Variants in GXYLT2 observed in about 807,000 individuals in gnomAD.
GXYLT2 encodes the protein glucoside xylosyltransferase 2, also known as glycosyltransferase 8 domain containing 4.
GXYLT2 carries 53 observed loss-of-function variants against 45.8 expected under a neutral mutation model. The observed-to-expected ratio is 1.16, with a 90% CI of 0.93 to 1.46. GXYLT2 has a LOEUF of 1.46. GXYLT2 is among the 40% of genes most tolerant of loss of function. The pLI is 0.00. For missense variants in GXYLT2, 551 were observed against 544.4 expected (o/e 1.01, Z -0.12); for synonymous variants, 219 against 214.2 (o/e 1.02, Z -0.19).
At chr3:72,889,458 A>G (rs1281351952) in intron 1 of GXYLT2, among the ~76,000 whole-genome samples, 1 of 152,176 alleles carries the variant, frequency 6.6e-6, no homozygotes, top group Non-Finnish European at 1.5e-5. Flanking sequence ...TACTGTAACT[A>G]AAAGACACGA....
chr3:72,922,283 A>C lies in GXYLT2; in HGVS notation c.548A>C (p.Gln183Pro), dbSNP rs201480150. 2.5e-6 allele frequency: 4 copies of C among 1,613,868 alleles called. No individual in the cohort carries two copies. In the East Asian group the frequency reaches 8.9e-5, roughly 36 times the overall value. ...ATCACATTTTCTGTTGGAAACCCTC[A>C]GGAGTGGAAGAAATTGTTCAAACCC... ...YPITFSVGNP[Q>P]EWKKLFKPCA... The change falls in exon 3 of 7, where the codon CAG becomes CCG. Residue 183 changes from glutamine (Q) to proline (P), a missense_variant. Coordinates refer to ENST00000389617, the MANE Select transcript of GXYLT2 (RefSeq NM_001080393.2).
intron 3 of GXYLT2, among the ~76,000 whole-genome samples, chr3:72,944,430 T>G (rs1375129028): frequency 6.6e-6 from 1 of 151,916 alleles, no homozygotes; most frequent in Non-Finnish European, 1.5e-5. Flanking sequence ...AATTTTTGTA[T>G]TTTTAGTGGA....
intron 1 of GXYLT2, among the ~76,000 whole-genome samples, chr3:72,890,578 C>G (rs1472290972): frequency 6.6e-6 from 1 of 152,204 alleles, no homozygotes; most frequent in Non-Finnish European, 1.5e-5. Flanking sequence ...GATGTCAGGC[C>G]ATAGACTTGC....
intron 3 of GXYLT2, among the ~76,000 whole-genome samples, chr3:72,944,031 CTG>C (rs962034601): frequency 2.0e-5 from 3 of 152,074 alleles, no homozygotes; most frequent in African/African-American, 7.2e-5. Context: ...TACATCAAGA[CTG>C]TGACTTTCTG....
At position 72,948,297 on chromosome 3, in the gene GXYLT2, C is replaced by G. The variant is rs573807847; in HGVS notation, c.601-6801C>G. Among the ~76,000 whole-genome samples, 62 of 152,260 alleles carry G rather than the reference C, an allele frequency of 4.1e-4. 1 individual carries two copies. In the South Asian group the frequency reaches 5.4e-3, roughly 13 times the overall value. ...AGCATTTATAGACTACTCCTCCCAG[C>G]AACTGCAGCATAAACTTTTTTTTAT... On this transcript the variant is annotated intron_variant, in intron 3 of 6. Coordinates refer to ENST00000389617, the MANE Select transcript of GXYLT2 (RefSeq NM_001080393.2).
chr3:72,911,277 A>G (rs918046768), intron 2 of GXYLT2, among the ~76,000 whole-genome samples: 1 of 152,002 alleles, frequency 6.6e-6, no homozygotes, highest in African/African-American at 2.4e-5. Flanking sequence ...GCGACAGAGA[A>G]AGACTCTGTC....
chr3:72,912,013 A>ATATATTTTT (rs1156864738), intron 2 of GXYLT2, among the ~76,000 whole-genome samples: 3 of 114,924 alleles, frequency 2.6e-5, no homozygotes, highest in African/African-American at 1.2e-4. Flanking sequence ...ATATATATAT[A>ATATATTTTT]TTTTTTTTTT....
chr3:72,919,687 G>A (rs1384568628), intron 2 of GXYLT2, among the ~76,000 whole-genome samples: 4 of 152,160 alleles, frequency 2.6e-5, no homozygotes, highest in Non-Finnish European at 5.9e-5. Context: ...CGTGGGAGGC[G>A]GCGGTTGCAG....
intron 1 of GXYLT2, among the ~76,000 whole-genome samples, chr3:72,898,922 G>A (rs140699565): frequency 0.021 from 3,149 of 152,070 alleles, 117 homozygotes; most frequent in African/African-American, 0.071. Flanking sequence ...GTAGAGACAG[G>A]GTTTCACCAT....
chr3:72,923,194 G>A (rs1709859990), intron 3 of GXYLT2, among the ~76,000 whole-genome samples: 2 of 152,090 alleles, frequency 1.3e-5, no homozygotes, highest in African/African-American at 4.8e-5. Context: ...GGCAGAGCTT[G>A]CAGTGAGCCA....
intron 1 of GXYLT2, among the ~76,000 whole-genome samples, chr3:72,893,552 A>T (rs566946783): frequency 6.6e-6 from 1 of 152,256 alleles, no homozygotes; most frequent in Admixed American, 6.5e-5. Flanking sequence ...ATGTACACTT[A>T]ACAGTGATCT....
rs1709847118 is a variant in GXYLT2, at chr3:72,922,344, A to G, written c.600+9A>G. Reference sequence around the variant, plus strand: ...AGAGACTCTTTCTTCCGGTAGGAACACCTGTTTTTAATAAGTTGTAGCTTG... The same window carrying G: ...AGAGACTCTTTCTTCCGGTAGGAACGCCTGTTTTTAATAAGTTGTAGCTTG... On this transcript the variant is annotated intron_variant, in intron 3 of 6. Transcript: ENST00000389617. The G allele has an allele frequency of 1.9e-6, 3 of 1,609,176 alleles. No homozygotes were observed. The highest frequency in any genetic ancestry group is 2.5e-6 in the Non-Finnish European group (3 of 1,178,602).
chr3:72,918,100 CA>C (rs1426663684), intron 2 of GXYLT2, among the ~76,000 whole-genome samples: 2 of 152,132 alleles, frequency 1.3e-5, no homozygotes, highest in South Asian at 2.1e-4. Context: ...TAGAAGCAGC[CA>C]CAAACAATAT....
At chr3:72,912,752 G>A (rs1048214963) in intron 2 of GXYLT2, among the ~76,000 whole-genome samples, 3 of 152,132 alleles carry the variant, frequency 2.0e-5, no homozygotes, top group Non-Finnish European at 4.4e-5. Flanking sequence ...AGCCTTCAAG[G>A]CTTCCAGCTG....
chr3:72,956,843 T>C (rs755159928), intron 4 of GXYLT2, among the ~76,000 whole-genome samples: 5 of 150,576 alleles, frequency 3.3e-5, no homozygotes, highest in Admixed American at 6.7e-5. Context: ...TAAGCCAAGA[T>C]TGTGCCACTG....
At chr3:72,940,463 C>T (rs751310574) in intron 3 of GXYLT2, among the ~76,000 whole-genome samples, 1 of 152,006 alleles carries the variant, frequency 6.6e-6, no homozygotes, top group Admixed American at 6.6e-5. Context: ...CATATGAAGA[C>T]CCCATGGAAC....
intron 1 of GXYLT2, among the ~76,000 whole-genome samples, chr3:72,904,056 G>A (rs986334422): frequency 2.6e-5 from 4 of 152,178 alleles, no homozygotes; most frequent in Non-Finnish European, 5.9e-5. Context: ...CAGGATCGTT[G>A]CCATCAGCCC....
chr3:72,932,114 A>G (rs1035622848), intron 3 of GXYLT2, among the ~76,000 whole-genome samples: 7 of 150,188 alleles, frequency 4.7e-5, no homozygotes, highest in African/African-American at 1.7e-4. Context: ...GTGCAATGGC[A>G]CGATCTTGGC....
intron 3 of GXYLT2, chr3:72,928,987 G>A: frequency 9.3e-7 from 1 of 1,075,788 alleles, no homozygotes; most frequent in Non-Finnish European, 1.4e-6. Flanking sequence ...CCGCCCCAAG[G>A]CCCGCCGCCG....
Sources: gnomAD v4.1 joint callset for allele counts (sites outside exome capture counted in the v4.1 genomes callset) on GRCh38, gnomAD v4.1.1 for gene constraint, MANE v1.5 for transcripts, NCBI Gene and HGNC (gene_info 2026-07-23, HGNC 2026-07-21) for gene names.